The following PLXNA2 variants were observed in gnomAD, a reference collection of about 807,000 sequenced individuals.
The protein encoded by PLXNA2 is plexin-A2.
PLXNA2 carries 91 observed loss-of-function variants against 193.5 expected under a neutral mutation model. The observed-to-expected ratio is 0.47, with a 90% CI of 0.40 to 0.56. The LOEUF is 0.56. Among genes scored for constraint, PLXNA2 ranks in the 20% least tolerant of loss-of-function variants. PLXNA2 has a pLI of 0.00. For missense variants in PLXNA2, 1,995 were observed against 2,503.2 expected, an observed-to-expected ratio of 0.80 and a Z score of 4.33; for synonymous variants, 997 against 1,027.3, an observed-to-expected ratio of 0.97 and a Z score of 0.56.
chr1:208,209,983 A>AAT lies in PLXNA2; in HGVS notation c.1371+296_1371+297insAT, dbSNP rs34413554. 9.4e-3 allele frequency: 827 copies of AAT among 87,814 alleles called. 107 individuals are homozygous for AAT. Among genetic ancestry groups the AAT allele is most frequent in the South Asian group, 0.013 (52 of 3,958 alleles). The allele number at this position is 87,814 out of a possible 1,614,324, so 5.4% of individuals were successfully genotyped here. On this transcript the variant is annotated intron_variant, in intron 3 of 31. Transcript: ENST00000367033. ...TTGCTTGATTTGGGAATGAAGAGCA[A>AAT]TTTTTTTTTTTTTTTTTTTTTGCTT... is the stretch of plus-strand genomic sequence containing the variant.
At chr1:208,131,185 G>A (rs1304679759) in intron 4 of PLXNA2, among the ~76,000 whole-genome samples, 1 of 152,158 alleles carries the variant, frequency 6.6e-6, no homozygotes, top group African/African-American at 2.4e-5. Flanking sequence ...TTCCAATTGC[G>A]CTTGTCTCCA....
chr1:208,058,235 G>T (rs978174136), intron 13 of PLXNA2, among the ~76,000 whole-genome samples: 1 of 152,224 alleles, frequency 6.6e-6, no homozygotes, highest in Non-Finnish European at 1.5e-5. Context: ...CCTGTCCCAG[G>T]AGGGGCTGAG....
intron 1 of PLXNA2, among the ~76,000 whole-genome samples, chr1:208,224,199 G>A (rs945276094): frequency 1.3e-5 from 2 of 152,180 alleles, no homozygotes; most frequent in Non-Finnish European, 2.9e-5. Flanking sequence ...CAATTAGAGT[G>A]AAAGGAGTTA....
intron 1 of PLXNA2, among the ~76,000 whole-genome samples, chr1:208,241,969 C>T (rs919795269): frequency 6.6e-5 from 10 of 152,132 alleles, no homozygotes; most frequent in Non-Finnish European, 4.4e-5. Context: ...CAGGCCACCA[C>T]CAAGGAGAGA....
At chr1:208,120,395 CTG>C (rs901766697) in intron 4 of PLXNA2, among the ~76,000 whole-genome samples, 13 of 152,292 alleles carry the variant, frequency 8.5e-5, no homozygotes, top group African/African-American at 2.9e-4. Flanking sequence ...TGAAGACAGA[CTG>C]TGAGGCCAGA....
rs368366958 is a variant in PLXNA2 at position 208,098,458 on chromosome 1, T to TCTCACA, written c.1731+387_1731+388insTGTGAG. 3.2e-3 allele frequency among the ~76,000 whole-genome samples: 399 copies of TCTCACA among 123,498 alleles called. 3 individuals are homozygous for TCTCACA. Among genetic ancestry groups the TCTCACA allele is most frequent in the East Asian group, 0.015 (58 of 3,938 alleles). The allele number at this position is 123,498 out of a possible 152,430, so 81.0% of individuals were successfully genotyped here. A position where few individuals can be genotyped will look rare whatever the true frequency, so the allele number is the denominator to read the frequency against. ...CTCTCTCTCTCTCTCTCTCTCTCTC[T>TCTCACA]CACACACACACACACACACACACAC... On this transcript the variant is annotated intron_variant, in intron 6 of 31. Transcript: ENST00000367033.
chr1:208,104,256 G>A (rs748277952), intron 4 of PLXNA2, among the ~76,000 whole-genome samples: 3 of 152,162 alleles, frequency 2.0e-5, no homozygotes, highest in African/African-American at 2.4e-5. Context: ...AAGATATGAC[G>A]GAGACATCTC....
chr1:208,216,810 C>T lies in PLXNA2; in HGVS notation c.1113G>A (p.Leu371=), dbSNP rs4844657. The stretch of plus-strand genomic sequence containing the variant: ...TGCCCTCGCCCTGGTAGCAGGACTG[C>T]AGGCGCTCCTTGATCTGCAAGTTGA... The part of the protein sequence containing the change: ...RAINLQIKER[L]QSCYQGEGNL... Residue 371 remains leucine (L), a synonymous_variant, in exon 2 of 32, where the codon CTG becomes CTA. Coordinates refer to ENST00000367033, the MANE Select transcript of PLXNA2 (RefSeq NM_025179.4). 277,652 of 1,613,908 alleles carry T rather than the reference C, an allele frequency of 0.17. 25,646 individuals carry two copies. Among genetic ancestry groups the T allele is most frequent in the Middle Eastern group, 0.21 (1,246 of 6,062 alleles).
chr1:208,087,033 G>C (rs1022979406), intron 9 of PLXNA2, among the ~76,000 whole-genome samples: 2 of 150,934 alleles, frequency 1.3e-5, no homozygotes, highest in African/African-American at 2.4e-5. Context: ...GACAGACAGA[G>C]AGACAGAGAG....
chr1:208,029,936 A>G (rs841862), intron 29 of PLXNA2: 977,209 of 985,482 alleles, frequency 0.99, 484,989 homozygotes, highest in East Asian at 1. Flanking sequence ...CGGTCCTGTC[A>G]CAGGCTTGTC....
intron 3 of PLXNA2, among the ~76,000 whole-genome samples, chr1:208,199,992 G>A (rs181728932): frequency 6.6e-6 from 1 of 152,294 alleles, no homozygotes; most frequent in East Asian, 1.9e-4. Flanking sequence ...TTATCCCCTG[G>A]GGGCCTTAAC....
At chr1:208,065,064 T>C (rs185373286) in intron 12 of PLXNA2, among the ~76,000 whole-genome samples, 36 of 152,200 alleles carry the variant, frequency 2.4e-4, no homozygotes, top group Admixed American at 2.1e-3. Context: ...TGCAGGACTT[T>C]AAGCAAGTCC....
At chr1:208,241,902 C>G (rs1672065833) in intron 1 of PLXNA2, among the ~76,000 whole-genome samples, 2 of 145,916 alleles carry the variant, frequency 1.4e-5, no homozygotes, top group South Asian at 4.6e-4. Flanking sequence ...CTCGCTATGA[C>G]AGATTCCACT....
chr1:208,206,824 C>T (rs866605136), intron 3 of PLXNA2, among the ~76,000 whole-genome samples: 11 of 140,738 alleles, frequency 7.8e-5, no homozygotes, highest in African/African-American at 2.7e-4. Context: ...AGGCTAGTGG[C>T]GCGATCTGGG....
chr1:208,124,060 C>T (rs1667887363), intron 4 of PLXNA2, among the ~76,000 whole-genome samples: 1 of 152,074 alleles, frequency 6.6e-6, no homozygotes, highest in East Asian at 1.9e-4. Context: ...TAGTCTAGGG[C>T]CACTGGTAAA....
At position 208,223,463 on chromosome 1, in the gene PLXNA2, A is replaced by T. The variant is rs7518360; in HGVS notation, c.-80-5461T>A. ...ATGCCTTTGATAATAGCCCCATGATACGCAGAAGTGAGTGTGGCATTGGGC... is the reference window on the plus strand; with the variant it reads ...ATGCCTTTGATAATAGCCCCATGATTCGCAGAAGTGAGTGTGGCATTGGGC... On this transcript the variant is annotated intron_variant, in intron 1 of 31. Transcript: ENST00000367033. 2.8e-3 allele frequency among the ~76,000 whole-genome samples: 426 copies of T among 152,272 alleles called. 3 individuals carry two copies. Among genetic ancestry groups the T allele is most frequent in the African/African-American group, 9.7e-3 (402 of 41,542 alleles).
chr1:208,029,113 T>C, intron 29 of PLXNA2, 71 bp from the exon 30 acceptor site: 1 of 1,583,790 alleles, frequency 6.3e-7, no homozygotes. Context: ...ACTGATATTC[T>C]TCCCCATCAA....
intron 8 of PLXNA2, among the ~76,000 whole-genome samples, chr1:208,094,244 C>T (rs540852465): frequency 1.4e-4 from 22 of 152,292 alleles, no homozygotes; most frequent in Non-Finnish European, 2.6e-4. Flanking sequence ...GTGGCTCTTC[C>T]GCTGGCTACT....
Position 208,027,172 on chromosome 1 carries a change from C to A in PLXNA2, c.*71G>T. The A allele has an allele frequency of 7.5e-7, 1 of 1,328,262 alleles. No individual in the cohort carries two copies. The highest frequency in any genetic ancestry group is 2.3e-5 in the East Asian group (1 of 43,002). 82.3% of individuals were successfully genotyped at this position (1,328,262 alleles called of 1,614,324 possible). On this transcript the variant is annotated 3_prime_UTR_variant, in exon 32 of 32. Coordinates refer to ENST00000367033, the MANE Select transcript of PLXNA2 (RefSeq NM_025179.4). ...CTGGGGCCTGATCCCCATCACTTGTCCTTCCATCTGAGACTCCCAGTGTGA... is the reference window on the plus strand; with the variant it reads ...CTGGGGCCTGATCCCCATCACTTGTACTTCCATCTGAGACTCCCAGTGTGA...
Sources: allele counts gnomAD v4.1 joint callset (sites outside exome capture counted in the v4.1 genomes callset), GRCh38; gene constraint gnomAD v4.1.1; transcripts MANE v1.5; gene names NCBI Gene and HGNC (gene_info 2026-07-23, HGNC 2026-07-21).